The following LYPLAL1 variants were observed in gnomAD, a reference collection of about 807,000 sequenced individuals.
LYPLAL1 encodes lysophospholipase-like protein 1.
A neutral mutation model predicts 19.7 loss-of-function variants in LYPLAL1; 23 were observed. The observed-to-expected ratio is 1.17, with a 90% confidence interval of 0.84 to 1.65. The LOEUF (loss-of-function observed/expected upper bound fraction) is 1.65. Among genes scored for constraint, LYPLAL1 ranks in the 40% most tolerant of loss-of-function variants. LYPLAL1 has a pLI of 0.00. For missense variants in LYPLAL1, 355 were observed against 279.4 expected, an observed-to-expected ratio of 1.27 and a Z score of -1.93; for synonymous variants, 119 against 96.3, an observed-to-expected ratio of 1.24 and a Z score of -1.38.
the LYPLAL1 span, among the ~76,000 whole-genome samples, chr1:219,382,578 G>A: frequency 3.9e-5 from 6 of 152,092 alleles, no homozygotes; most frequent in East Asian, 7.8e-4. Context: ...TAGCCAGGAC[G>A]GTCTCGATCT....
the LYPLAL1 span, among the ~76,000 whole-genome samples, chr1:219,334,731 A>G: frequency 6.6e-6 from 1 of 151,930 alleles, no homozygotes. Flanking sequence ...CAAAAACTTA[A>G]AGTTTTGTAT....
the LYPLAL1 span, among the ~76,000 whole-genome samples, chr1:219,373,937 TA>T: frequency 1.7e-5 from 2 of 119,864 alleles, no homozygotes; most frequent in Admixed American, 7.9e-5. Flanking sequence ...GCTAAAAAAA[TA>T]AAACCAAACC....
intron 1 of LYPLAL1, among the ~76,000 whole-genome samples, chr1:219,176,136 G>A (rs1273522840): frequency 1.3e-5 from 2 of 152,148 alleles, no homozygotes; most frequent in Non-Finnish European, 2.9e-5. Context: ...TAAATTATAT[G>A]TAGCCAACTT....
the LYPLAL1 span, among the ~76,000 whole-genome samples, chr1:219,327,841 G>A: frequency 6.6e-6 from 1 of 152,100 alleles, no homozygotes; most frequent in Non-Finnish European, 1.5e-5. Flanking sequence ...CACCATGTAA[G>A]ATGTGCCTTT....
chr1:219,381,293 T>C, the LYPLAL1 span, among the ~76,000 whole-genome samples: 6 of 152,172 alleles, frequency 3.9e-5, no homozygotes, highest in Non-Finnish European at 5.9e-5. Flanking sequence ...TTTGCCATGA[T>C]TGTGAGCCCT....
chr1:219,421,442 C>G, the LYPLAL1 span, among the ~76,000 whole-genome samples: 19 of 152,152 alleles, frequency 1.2e-4, no homozygotes, highest in Non-Finnish European at 2.5e-4. Flanking sequence ...TTACAAGCAC[C>G]TGAGGAGGCT....
chr1:219,392,749 G>A, the LYPLAL1 span, among the ~76,000 whole-genome samples: 6 of 152,006 alleles, frequency 3.9e-5, no homozygotes, highest in African/African-American at 7.3e-5. Flanking sequence ...TATTTACCCA[G>A]ATGAACTTTG....
the LYPLAL1 span, among the ~76,000 whole-genome samples, chr1:219,378,561 G>A: frequency 4.6e-5 from 7 of 152,106 alleles, no homozygotes; most frequent in Admixed American, 3.3e-4. Context: ...CAAAGGTAGT[G>A]GAGGTGAGTA....
chr1:219,194,765 C>G (rs922759759), intron 3 of LYPLAL1, among the ~76,000 whole-genome samples: 1 of 151,966 alleles, frequency 6.6e-6, no homozygotes, highest in African/African-American at 2.4e-5. Flanking sequence ...GCATTTGGGG[C>G]TGTAAGAGAA....
intron 3 of LYPLAL1, chr1:219,198,524 T>C (rs531942253): frequency 1.3e-5 from 2 of 152,248 alleles, no homozygotes; most frequent in Non-Finnish European, 2.9e-5. Flanking sequence ...TTACATAAGT[T>C]ATTAAACATT....
chr1:219,397,762 C>G, the LYPLAL1 span, among the ~76,000 whole-genome samples: 2,174 of 152,234 alleles, frequency 0.014, 48 homozygotes, highest in African/African-American at 0.05. Flanking sequence ...TAACAAATTC[C>G]CTCAGCATTT....
chr1:219,352,669 C>G, the LYPLAL1 span, among the ~76,000 whole-genome samples: 22 of 152,104 alleles, frequency 1.4e-4, no homozygotes, highest in African/African-American at 5.3e-4. Context: ...CTTCCAGGAA[C>G]GATTTAATAG....
chr1:219,386,077 T>G, the LYPLAL1 span, among the ~76,000 whole-genome samples: 1 of 152,126 alleles, frequency 6.6e-6, no homozygotes, highest in Admixed American at 6.5e-5. Context: ...AAAAATTCAG[T>G]CATCTCACAT....
the LYPLAL1 span, among the ~76,000 whole-genome samples, chr1:219,386,377 A>G: frequency 6.6e-6 from 1 of 152,166 alleles, no homozygotes. Context: ...TGGCTGATTT[A>G]TCATAACCAA....
the LYPLAL1 span, among the ~76,000 whole-genome samples, chr1:219,259,232 T>C: frequency 6.9e-3 from 1,045 of 151,876 alleles, 21 homozygotes; most frequent in East Asian, 0.081. Flanking sequence ...AAAAGTAGAA[T>C]TACCATTTGA....
chr1:219,194,707 C>A (rs151259947), intron 3 of LYPLAL1, among the ~76,000 whole-genome samples: 59 of 152,138 alleles, frequency 3.9e-4, no homozygotes, highest in African/African-American at 1.4e-3. Flanking sequence ...ATTACCCAAT[C>A]AATAAATTGT....
chr1:219,245,175 C>CCCTTCCTTCCTTCCTTCCTT, the LYPLAL1 span, among the ~76,000 whole-genome samples: 16 of 132,618 alleles, frequency 1.2e-4, no homozygotes, highest in African/African-American at 4.4e-4. Context: ...CCTCTTCCAT[C>CCCTTCCTTCCTTCCTTCCTT]CCTTCCTTCC....
intron 2 of LYPLAL1, among the ~76,000 whole-genome samples, chr1:219,185,193 A>G (rs1203702595): frequency 2.0e-5 from 3 of 151,876 alleles, no homozygotes; most frequent in African/African-American, 7.2e-5. Flanking sequence ...TGACAAAAAG[A>G]TGTTCATGAT....
chr1:219,363,723 T>G, the LYPLAL1 span, among the ~76,000 whole-genome samples: 1 of 152,156 alleles, frequency 6.6e-6, no homozygotes, highest in African/African-American at 2.4e-5. Context: ...TTCACATAAT[T>G]CTAGCCACAC....
Sources: gnomAD v4.1 joint callset for allele counts (sites outside exome capture counted in the v4.1 genomes callset) on GRCh38, gnomAD v4.1.1 for gene constraint, MANE v1.5 for transcripts, NCBI Gene and HGNC (gene_info 2026-07-23, HGNC 2026-07-21) for gene names.